HAGH: variants seen among roughly 807,000 people sequenced by gnomAD.
HAGH encodes hydroxyacylglutathione hydrolase, mitochondrial.
In HAGH, 29 loss-of-function variants were observed where a neutral mutation model predicts 35.1. The observed-to-expected ratio is 0.83, with a 90% CI of 0.62 to 1.13. The LOEUF is 1.13. Ranked by LOEUF, HAGH falls within the 50% of genes most tolerant of loss-of-function variation. The pLI, the probability that HAGH is intolerant of heterozygous loss-of-function variation, is 0.00. For synonymous variants in HAGH, 225 were observed against 176.1 expected (o/e 1.28, Z -2.20); for missense variants, 478 against 419.6 (o/e 1.14, Z -1.22).
At chr16:1,813,721 G>A (rs974882329) in intron 7 of HAGH, among the ~76,000 whole-genome samples, 6 of 152,164 alleles carry the variant, frequency 3.9e-5, no homozygotes, top group East Asian at 1.9e-4. Context: ...TTCTGAAAAC[G>A]GAAATGTAAA....
chr16:1,819,161 G>C lies in HAGH; in HGVS notation c.495C>G (p.Tyr165Ter). The C allele has an allele frequency of 6.2e-7, 1 of 1,613,340 alleles. No homozygotes were observed. The highest frequency in any genetic ancestry group is 8.5e-7 in the Non-Finnish European group (1 of 1,179,752). Reference protein sequence around the residue: ...TPCHTSGHICYFVSKPGGSEP... With the variant: ...TPCHTSGHIC ...CCGAGCCTCCGGGCTTGCTCACGAA[G>C]TAACAAATGTGTCCTGAAGTGTGGC... Residue 165 changes from tyrosine (Y) to a stop codon, truncating the protein, a stop_gained, in exon 5 of 9, where the codon TAC (tyrosine) becomes TAG (stop). Coordinates refer to ENST00000397356, the MANE Select transcript of HAGH (RefSeq NM_005326.6). LOFTEE classifies it high-confidence loss of function.
At chr16:1,809,698 G>T (rs1897550783) in intron 8 of HAGH, 56 bp downstream of exon 8, 1 of 1,216,868 alleles carries the variant, frequency 8.2e-7, no homozygotes, top group Non-Finnish European at 1.2e-6. Flanking sequence ...TGTGTGTGCA[G>T]CAGTGGGACT....
intron 7 of HAGH, among the ~76,000 whole-genome samples, chr16:1,813,348 T>A (rs1897750027): frequency 6.6e-6 from 1 of 152,198 alleles, no homozygotes; most frequent in Non-Finnish European, 1.5e-5. Context: ...CCATGCTGCT[T>A]ATATAGCCTG....
At chr16:1,822,603 G>T (rs548255301) in intron 2 of HAGH, among the ~76,000 whole-genome samples, 2 of 152,248 alleles carry the variant, frequency 1.3e-5, no homozygotes, top group African/African-American at 4.8e-5. Context: ...CCAGCTCTGA[G>T]GGCACCACCC....
In HAGH at chr16:1,823,051, G is replaced by A. The variant is rs773232587; in HGVS notation, c.77-14C>T. ...GCAGGGCTGGACCTGCAGACACAGA[G>A]CACAACTCAGCGGGCAGCCGCGCCA... is the stretch of plus-strand genomic sequence containing the variant. On this transcript the variant is annotated splice_polypyrimidine_tract_variant and intron_variant, in intron 1 of 8. Coordinates refer to ENST00000397356, the MANE Select transcript of HAGH (RefSeq NM_005326.6). The A allele has an allele frequency of 4.3e-6, 7 of 1,612,278 alleles. No homozygotes were observed. The East Asian group carries it at 1.1e-4, about 26-fold the overall frequency.
chr16:1,826,621 G>A (rs1898441325), intron 1 of HAGH, 91 bp downstream of exon 1: 2 of 976,362 alleles, frequency 2.0e-6, no homozygotes, highest in African/African-American at 1.8e-5. Context: ...CAGACACCGC[G>A]TCAGCGGTCG....
chr16:1,825,094 G>A (rs192808065), intron 1 of HAGH, among the ~76,000 whole-genome samples: 27 of 152,264 alleles, frequency 1.8e-4, no homozygotes, highest in South Asian at 1.0e-3. Flanking sequence ...CGAGGCGGGC[G>A]GATCGCGGGG....
chr16:1,819,089 G>A (rs756132556), intron 5 of HAGH, 26 bp downstream of exon 5: 33 of 1,420,898 alleles, frequency 2.3e-5, no homozygotes, highest in South Asian at 1.5e-4. Flanking sequence ...AAGAACCCCC[G>A]CCCCCACCCA....
rs1339260330 is a variant in HAGH at position 1,826,764 on chromosome 16, G to T, written c.24C>A (p.Leu8=). 4.1e-6 allele frequency: 5 copies of T among 1,208,606 alleles called. No homozygotes were observed. Among genetic ancestry groups the T allele is most frequent in the South Asian group, 4.1e-5 (1 of 24,372 alleles). The allele number at this position is 1,208,606 out of a possible 1,614,324, so 74.9% of individuals were successfully genotyped here. A position where few individuals can be genotyped will look rare whatever the true frequency, so the allele number is the denominator to read the frequency against. MVVGRGL[L]GRRSLAALGA... is the part of the protein sequence containing the mutation. ...CCAGCGCGGCGAGGCTGCGGCGGCCGAGCAGCCCTCGGCCCACCACCATGA... is the reference window on the plus strand; with the variant it reads ...CCAGCGCGGCGAGGCTGCGGCGGCCTAGCAGCCCTCGGCCCACCACCATGA... The change falls in exon 1 of 9, where the codon CTC becomes CTA. Residue 8 remains leucine, a synonymous_variant. Transcript: ENST00000397356.
chr16:1,815,848 A>C (rs143900953), intron 7 of HAGH, among the ~76,000 whole-genome samples: 7 of 151,512 alleles, frequency 4.6e-5, no homozygotes, highest in Non-Finnish European at 8.8e-5. Flanking sequence ...GCAAAACCCT[A>C]TCTCTACTAA....
In HAGH at chr16:1,809,675, C is replaced by T. The variant is rs181028797; in HGVS notation, c.827+79G>A. 586 of 1,055,166 alleles carry T rather than the reference C, an allele frequency of 5.6e-4. 1 individual carries two copies. The African/African-American group carries it at 8.2e-3, about 15-fold the overall frequency. The allele number at this position is 1,055,166 out of a possible 1,614,324, so 65.4% of individuals were successfully genotyped here. ...AGGCAGCCTCAGCCATCTGGGGTCTCGGACGTACCGGCTGTGTGTGCAGCA... is the reference window on the plus strand; with the variant it reads ...AGGCAGCCTCAGCCATCTGGGGTCTTGGACGTACCGGCTGTGTGTGCAGCA... On this transcript the variant is annotated intron_variant, in intron 8 of 8. Coordinates refer to ENST00000397356, the MANE Select transcript of HAGH (RefSeq NM_005326.6).
Position 1,808,997 on chromosome 16 carries a change from C to A in HAGH, c.*286G>T, listed in dbSNP as rs1208746684. ...AGCAAAGGCACCGGCTCACGCCTGA[C>A]CTGAAGCGTGGGTGGGGGGACTGCA... On this transcript the variant is annotated 3_prime_UTR_variant, in exon 9 of 9. Transcript: ENST00000397356. 6 of 434,002 alleles carry A rather than the reference C, an allele frequency of 1.4e-5. 1 individual carries two copies. The highest frequency in any genetic ancestry group is 7.6e-5 in the South Asian group (2 of 26,224). The allele number at this position is 434,002 out of a possible 1,614,324, so 26.9% of individuals were successfully genotyped here. A position where few individuals can be genotyped will look rare whatever the true frequency, so the allele number is the denominator to read the frequency against.
rs534704870 is a variant in HAGH, at chr16:1,822,410, C to T, written c.250-46G>A. ...GACAAAGGCCTGTCACACTCCTAGGCCTGGCTTGCTGGCCTATATGGTAGG... is the reference window on the plus strand; with the variant it reads ...GACAAAGGCCTGTCACACTCCTAGGTCTGGCTTGCTGGCCTATATGGTAGG... On this transcript the variant is annotated intron_variant, in intron 2 of 8. Coordinates refer to ENST00000397356, the MANE Select transcript of HAGH (RefSeq NM_005326.6). 8.0e-5 allele frequency: 116 copies of T among 1,447,910 alleles called. 1 individual carries two copies. In the South Asian group the frequency reaches 1.3e-3, roughly 16 times the overall value. 89.7% of individuals were successfully genotyped at this position (1,447,910 alleles called of 1,614,324 possible).
At chr16:1,813,177 G>A (rs1897741377) in intron 7 of HAGH, among the ~76,000 whole-genome samples, 1 of 152,178 alleles carries the variant, frequency 6.6e-6, no homozygotes, top group African/African-American at 2.4e-5. Flanking sequence ...CCAAGTGCGA[G>A]TTTTTGCTGT....
rs933275924 is a variant in HAGH, at chr16:1,826,704, G to A, written c.76+8C>T. The A allele has an allele frequency of 1.9e-5, 21 of 1,079,344 alleles. No homozygotes were observed. The highest frequency in any genetic ancestry group is 2.2e-5 in the Non-Finnish European group (20 of 890,424). The allele number at this position is 1,079,344 out of a possible 1,614,324, so 66.9% of individuals were successfully genotyped here. A position where few individuals can be genotyped will look rare whatever the true frequency, so the allele number is the denominator to read the frequency against. On this transcript the variant is annotated splice_region_variant and intron_variant, in intron 1 of 8. Coordinates refer to ENST00000397356, the MANE Select transcript of HAGH (RefSeq NM_005326.6). ...GTCCCCCGGCCCGCACCGCCCCGCC[G>A]CACCCACCGAGGCCTCGGCGGGCGC...
intron 1 of HAGH, among the ~76,000 whole-genome samples, chr16:1,824,115 G>A (rs775368912): frequency 1.3e-5 from 2 of 152,014 alleles, no homozygotes; most frequent in South Asian, 2.1e-4. Context: ...AATACTTGAC[G>A]GCAGGCTGAG....
upstream of HAGH, chr16:1,827,123 G>C (rs906033565): frequency 2.7e-5 from 39 of 1,431,692 alleles, no homozygotes; most frequent in Non-Finnish European, 3.4e-5. Context: ...TCGCGAGGTG[G>C]AACGGGCCGT....
At chr16:1,811,732 A>G (rs1897657575) in intron 7 of HAGH, among the ~76,000 whole-genome samples, 1 of 152,070 alleles carries the variant, frequency 6.6e-6, no homozygotes, top group South Asian at 2.1e-4. Context: ...ATAAAAATAA[A>G]AAAATAAGGT....
intron 5 of HAGH, chr16:1,818,896 C>T: frequency 1.8e-6 from 1 of 568,034 alleles, no homozygotes; most frequent in Non-Finnish European, 3.2e-6. Context: ...TCCGCCAGCA[C>T]AGCCCTTGCT....
Sources: allele counts gnomAD v4.1 joint callset (sites outside exome capture counted in the v4.1 genomes callset), GRCh38; gene constraint gnomAD v4.1.1; transcripts MANE v1.5; gene names NCBI Gene and HGNC (gene_info 2026-07-23, HGNC 2026-07-21).